MCPH1: variants seen among roughly 807,000 people sequenced by gnomAD.
MCPH1 encodes the protein microcephalin.
A neutral mutation model predicts 84.5 loss-of-function variants in MCPH1; 104 were observed. The observed-to-expected ratio is 1.23, with a 90% confidence interval of 1.05 to 1.45. The LOEUF is 1.45. Among genes scored for constraint, MCPH1 ranks in the 40% most tolerant of loss-of-function variants. The pLI is 0.00. For missense variants in MCPH1, 1,498 were observed against 1,005.7 expected, an observed-to-expected ratio of 1.49 and a Z score of -6.62; for synonymous variants, 514 against 366.8, an observed-to-expected ratio of 1.40 and a Z score of -4.58.
intron 12 of MCPH1, among the ~76,000 whole-genome samples, chr8:6,528,123 C>A (rs1818734919): frequency 6.6e-6 from 1 of 152,152 alleles, no homozygotes; most frequent in Non-Finnish European, 1.5e-5. Context: ...TCTGGAACTC[C>A]TGACCTCAAG....
intron 2 of MCPH1, among the ~76,000 whole-genome samples, chr8:6,412,023 G>C (rs992495781): frequency 9.9e-5 from 15 of 152,264 alleles, no homozygotes; most frequent in Non-Finnish European, 1.8e-4. Context: ...CTAGGTTAGG[G>C]TGGAGCAAGA....
chr8:6,586,071 G>C (rs10113825), intron 12 of MCPH1, among the ~76,000 whole-genome samples: 32,916 of 151,838 alleles, frequency 0.22, 3,683 homozygotes, highest in South Asian at 0.31. Context: ...AGTGATCCTT[G>C]TACTTCAACC....
At chr8:6,492,719 T>G (rs1157938508) in intron 11 of MCPH1, among the ~76,000 whole-genome samples, 1 of 136,034 alleles carries the variant, frequency 7.4e-6, no homozygotes, top group African/African-American at 2.5e-5. Context: ...ATATTTTATA[T>G]TAAATTATCA....
chr8:6,468,587 A>G (rs746741652), intron 9 of MCPH1, among the ~76,000 whole-genome samples: 16 of 150,770 alleles, frequency 1.1e-4, no homozygotes, highest in Non-Finnish European at 2.1e-4. Flanking sequence ...GGTGGTGCAG[A>G]TGTATTGTTT....
chr8:6,606,453 G>A (rs1829780960), intron 12 of MCPH1, among the ~76,000 whole-genome samples: 1 of 152,154 alleles, frequency 6.6e-6, no homozygotes, highest in African/African-American at 2.4e-5. Context: ...TATATATGGT[G>A]GGTGTTCATG....
chr8:6,582,053 C>G (rs1171616171), intron 12 of MCPH1, among the ~76,000 whole-genome samples: 1 of 152,194 alleles, frequency 6.6e-6, no homozygotes, highest in African/African-American at 2.4e-5. Context: ...CGCAAACATT[C>G]AGACCATAGC....
At chr8:6,422,557 TG>T (rs2129552796) in intron 3 of MCPH1, among the ~76,000 whole-genome samples, 1 of 152,354 alleles carries the variant, frequency 6.6e-6, no homozygotes, top group South Asian at 2.1e-4. Context: ...TCTGCTTTGC[TG>T]GCCCAGCCCC....
At chr8:6,433,372 C>A (rs1033342587) in intron 4 of MCPH1, among the ~76,000 whole-genome samples, 2 of 152,124 alleles carry the variant, frequency 1.3e-5, no homozygotes, top group Non-Finnish European at 2.9e-5. Context: ...GTGGCTCACA[C>A]CTGTAATCCC....
At chr8:6,441,702 C>G (rs1433191044) in intron 6 of MCPH1, among the ~76,000 whole-genome samples, 2 of 152,156 alleles carry the variant, frequency 1.3e-5, no homozygotes, top group African/African-American at 2.4e-5. Context: ...TAGCAGTGTA[C>G]CTACTGCTCT....
intron 9 of MCPH1, among the ~76,000 whole-genome samples, chr8:6,458,487 G>T (rs202088498): frequency 1.4e-5 from 2 of 140,658 alleles, no homozygotes; most frequent in Admixed American, 1.4e-4. Context: ...AAAAAAAAAA[G>T]AAAAAAAAAA....
chr8:6,417,341 T>G (rs1295668135), intron 3 of MCPH1, among the ~76,000 whole-genome samples: 1 of 152,170 alleles, frequency 6.6e-6, no homozygotes, highest in East Asian at 1.9e-4. Context: ...TCAGCTCTCT[T>G]GTGGTGTGAA....
chr8:6,492,750 A>G (rs898767098), intron 11 of MCPH1, among the ~76,000 whole-genome samples: 1 of 148,888 alleles, frequency 6.7e-6, no homozygotes, highest in Non-Finnish European at 1.5e-5. Flanking sequence ...AATAATAATT[A>G]TTTAATATTA....
intron 3 of MCPH1, among the ~76,000 whole-genome samples, chr8:6,429,696 C>T (rs1029270541): frequency 3.3e-5 from 5 of 152,128 alleles, no homozygotes; most frequent in African/African-American, 1.2e-4. Flanking sequence ...AGGTCAAAAA[C>T]CTTCCATTTT....
At chr8:6,623,584 C>T (rs1161362755) in intron 13 of MCPH1, among the ~76,000 whole-genome samples, 1 of 146,910 alleles carries the variant, frequency 6.8e-6, no homozygotes, top group African/African-American at 2.5e-5. Flanking sequence ...GTATCTTTTA[C>T]ATGACTGATG....
chr8:6,571,641 A>G (rs1403126650), intron 12 of MCPH1, among the ~76,000 whole-genome samples: 2 of 152,172 alleles, frequency 1.3e-5, no homozygotes, highest in African/African-American at 2.4e-5. Context: ...CATATGTGCT[A>G]TTTACATTAA....
chr8:6,535,840 G>A (rs566526306), intron 12 of MCPH1, among the ~76,000 whole-genome samples: 2 of 151,692 alleles, frequency 1.3e-5, no homozygotes, highest in Non-Finnish European at 2.9e-5. Context: ...TTGCTCTCAG[G>A]AGTTTGAGAC....
chr8:6,569,927 T>C (rs1055655237), intron 12 of MCPH1, among the ~76,000 whole-genome samples: 105 of 152,322 alleles, frequency 6.9e-4, no homozygotes, highest in African/African-American at 2.3e-3. Context: ...AGACATCTCA[T>C]GTGGACCTCG....
intron 13 of MCPH1, chr8:6,625,518 AAAG>A (rs1420200229): frequency 3.5e-5 from 34 of 982,946 alleles, no homozygotes; most frequent in Non-Finnish European, 4.1e-5. Flanking sequence ...CCAAATCGAA[AAAG>A]AAGTTATTTT....
chr8:6,576,627 C>A (rs369153534), intron 12 of MCPH1, among the ~76,000 whole-genome samples: 1 of 148,170 alleles, frequency 6.7e-6, no homozygotes, highest in South Asian at 2.1e-4. Context: ...TCTGCCTCAG[C>A]CTTCTGAGTA....
Sources: gnomAD v4.1 joint callset for allele counts (sites outside exome capture counted in the v4.1 genomes callset) on GRCh38, gnomAD v4.1.1 for gene constraint, MANE v1.5 for transcripts, NCBI Gene and HGNC (gene_info 2026-07-23, HGNC 2026-07-21) for gene names.